Variants in SMAGP observed in about 807,000 individuals in gnomAD.
SMAGP encodes small cell transmembrane and glycosylated protein.
In SMAGP, 7 loss-of-function variants were observed where a neutral mutation model predicts 10.1. That is an observed-to-expected ratio of 0.70 (90% CI 0.40 to 1.31). The LOEUF (loss-of-function observed/expected upper bound fraction) is 1.31. SMAGP is among the 50% of genes most tolerant of loss of function. The pLI is 0.01. For synonymous variants in SMAGP, 49 were observed against 47.2 expected, an observed-to-expected ratio of 1.04 and a Z score of -0.16; for missense variants, 113 against 116.5, an observed-to-expected ratio of 0.97 and a Z score of 0.14.
At chr12:51,247,288 T>G (rs539925181) in intron 2 of SMAGP, among the ~76,000 whole-genome samples, 29 of 152,346 alleles carry the variant, frequency 1.9e-4, no homozygotes, top group African/African-American at 6.7e-4. Context: ...GTGTATATAT[T>G]TACATTATAT....
chr12:51,269,979 G>A (rs1390290463), intron 1 of SMAGP: 2 of 151,916 alleles, frequency 1.3e-5, no homozygotes, highest in Non-Finnish European at 2.9e-5. Context: ...CGAACGCGGG[G>A]TGGACGCGAC....
intron 2 of SMAGP, among the ~76,000 whole-genome samples, chr12:51,262,458 GTGAAAC>G (rs1243697248): frequency 3.3e-5 from 5 of 152,254 alleles, no homozygotes; most frequent in African/African-American, 1.2e-4. Context: ...TACAGCCTGG[GTGAAAC>G]TGAGGCCCTG....
chr12:51,245,720 C>G lies in SMAGP; in HGVS notation c.*221G>C. The G allele has an allele frequency of 3.9e-6, 2 of 512,136 alleles. No homozygotes were observed. The highest frequency in any genetic ancestry group is 7.0e-6 in the Non-Finnish European group (2 of 285,700). 31.7% of individuals were successfully genotyped at this position (512,136 alleles called of 1,614,324 possible). On this transcript the variant is annotated 3_prime_UTR_variant, in exon 4 of 4. Transcript: ENST00000603798. The stretch of plus-strand genomic sequence containing the variant: ...TGTTGGCCAGTCACAAACACCAGCT[C>G]TAGTAAGAGGGCCTGGTTAAAGATA...
chr12:51,265,125 C>A (rs1247207130), intron 2 of SMAGP, among the ~76,000 whole-genome samples: 2 of 152,078 alleles, frequency 1.3e-5, no homozygotes, highest in African/African-American at 4.8e-5. Context: ...AAAGATGCTC[C>A]ACATCACTAT....
rs534408360 is a variant in SMAGP, at chr12:51,262,100, A to T, written c.34+7145T>A. On this transcript the variant is annotated intron_variant, in intron 2 of 3. Coordinates refer to ENST00000603798, the MANE Select transcript of SMAGP (RefSeq NM_001031628.2). Reference sequence around the variant, plus strand: ...TGTGTATTTTTTTTTAAGTAACTTTAAAAAACCCTATAAATATGCATATAT... The same window carrying T: ...TGTGTATTTTTTTTTAAGTAACTTTTAAAAACCCTATAAATATGCATATAT... Among the ~76,000 whole-genome samples, 65 of 151,766 alleles carry T rather than the reference A, an allele frequency of 4.3e-4. 1 individual carries two copies. Among genetic ancestry groups the T allele is most frequent in the South Asian group, 1.9e-3 (9 of 4,800 alleles).
Position 51,245,630 on chromosome 12 carries a change from CCCTT to C in SMAGP, c.*307_*310del. On this transcript the variant is annotated 3_prime_UTR_variant, in exon 4 of 4. Transcript: ENST00000603798. ...GACCTTAACTCAAAATCTTTTCTCT[CCCTT>C]CAACCTGTGAAAAAAGATGACTGGG... The C allele has an allele frequency of 3.4e-6, 1 of 292,018 alleles. No homozygotes were observed. Among genetic ancestry groups the C allele is most frequent in the Non-Finnish European group, 6.6e-6 (1 of 151,806 alleles). 18.1% of individuals were successfully genotyped at this position (292,018 alleles called of 1,614,324 possible). A position where few individuals can be genotyped will look rare whatever the true frequency, so the allele number is the denominator to read the frequency against.
intron 2 of SMAGP, among the ~76,000 whole-genome samples, chr12:51,268,740 C>T (rs1341810685): frequency 6.6e-6 from 1 of 152,136 alleles, no homozygotes; most frequent in African/African-American, 2.4e-5. Context: ...TGCACCACCA[C>T]GCCTGGCTAA....
chr12:51,262,897 C>T (rs1379571440), intron 2 of SMAGP, among the ~76,000 whole-genome samples: 1 of 152,182 alleles, frequency 6.6e-6, no homozygotes, highest in Non-Finnish European at 1.5e-5. Flanking sequence ...TCCCCGAGTT[C>T]TTTCCATGGG....
chr12:51,263,261 T>C (rs1209200640), intron 2 of SMAGP, among the ~76,000 whole-genome samples: 1 of 151,770 alleles, frequency 6.6e-6, no homozygotes, highest in Non-Finnish European at 1.5e-5. Context: ...TGGGCGCCTA[T>C]AGTCCCAGCT....
At chr12:51,260,933 G>A (rs570654891) in intron 2 of SMAGP, among the ~76,000 whole-genome samples, 4 of 151,358 alleles carry the variant, frequency 2.6e-5, no homozygotes, top group East Asian at 2.0e-4. Context: ...TGATCCACCC[G>A]CCTCAGCCTC....
chr12:51,262,115 T>G (rs1168717287), intron 2 of SMAGP, among the ~76,000 whole-genome samples: 1 of 151,528 alleles, frequency 6.6e-6, no homozygotes, highest in Non-Finnish European at 1.5e-5. Flanking sequence ...ACCCTATAAA[T>G]ATGCATATAT....
At chr12:51,250,808 CTGGTGACT>C (rs1482643938) in intron 2 of SMAGP, among the ~76,000 whole-genome samples, 3 of 152,118 alleles carry the variant, frequency 2.0e-5, no homozygotes, top group African/African-American at 7.2e-5. Context: ...TGGGTTGAAC[CTGGTGACT>C]TGCTTTTAAC....
At position 51,246,551 on chromosome 12, in the gene SMAGP, AACCTGTCATTT is replaced by A. The variant is rs1323343469; in HGVS notation, c.115+189_115+199del. The A allele has an allele frequency of 1.3e-5, 6 of 472,786 alleles. No individual in the cohort carries two copies. In the East Asian group the frequency reaches 2.0e-4, roughly 16 times the overall value. The allele number at this position is 472,786 out of a possible 1,614,324, so 29.3% of individuals were successfully genotyped here. On this transcript the variant is annotated intron_variant, in intron 3 of 3. Coordinates refer to ENST00000603798, the MANE Select transcript of SMAGP (RefSeq NM_001031628.2). ...GCATATCTATTTGCGGCCACCTCCC[AACCTGTCATTT>A]ACTGGTAGTGCCTCTGACAGAAGCC...
intron 2 of SMAGP, among the ~76,000 whole-genome samples, chr12:51,264,022 GC>G (rs575919480): frequency 7.0e-4 from 107 of 152,140 alleles, no homozygotes; most frequent in African/African-American, 2.5e-3. Flanking sequence ...TGAAGGAGGA[GC>G]CCACAAAGAC....
intron 2 of SMAGP, 25 bp from the exon 3 acceptor site, chr12:51,246,856 A>G (rs1440469604): frequency 2.6e-6 from 4 of 1,509,448 alleles, no homozygotes; most frequent in South Asian, 1.3e-5. Context: ...AAAGTGGAAA[A>G]GGAAATGGAG....
chr12:51,248,434 A>ACTCTCTCTCTCTCTCTCTCTCTCT (rs56012746), intron 2 of SMAGP, among the ~76,000 whole-genome samples: 2 of 77,466 alleles, frequency 2.6e-5, no homozygotes, highest in African/African-American at 5.1e-5. Context: ...ACACACACAC[A>ACTCTCTCTCTCTCTCTCTCTCTCT]CTCTCTCTCT....
intron 3 of SMAGP, 33 bp from the exon 4 acceptor site, chr12:51,246,152 T>G: frequency 6.2e-7 from 1 of 1,610,742 alleles, no homozygotes; most frequent in Non-Finnish European, 8.5e-7. Context: ...TAGAGATGTT[T>G]CAGGATTGAG....
At chr12:51,248,841 C>T (rs535944161) in intron 2 of SMAGP, among the ~76,000 whole-genome samples, 39 of 145,256 alleles carry the variant, frequency 2.7e-4, no homozygotes, top group African/African-American at 9.6e-4. Flanking sequence ...TTCCTGAGCC[C>T]AGGAATTTGA....
intron 2 of SMAGP, among the ~76,000 whole-genome samples, chr12:51,257,533 T>C (rs534869206): frequency 2.6e-5 from 4 of 151,020 alleles, no homozygotes; most frequent in Admixed American, 6.6e-5. Flanking sequence ...CTGGGCAACA[T>C]AGTGAGACCT....
Sources: gnomAD v4.1 joint callset for allele counts (sites outside exome capture counted in the v4.1 genomes callset) on GRCh38, gnomAD v4.1.1 for gene constraint, MANE v1.5 for transcripts, NCBI Gene and HGNC (gene_info 2026-07-23, HGNC 2026-07-21) for gene names.